Variants in FMO2 observed in about 807,000 individuals in gnomAD.
The protein encoded by FMO2 is flavin containing dimethylaniline monoxygenase 2, also known as flavin-containing monooxygenase 2.
Under a neutral mutation model 41.6 loss-of-function variants are expected in FMO2, and 33 were observed. The ratio of observed to expected loss-of-function variants is 0.79; its 90% confidence interval spans 0.60 to 1.06. FMO2 has a LOEUF of 1.06. FMO2 is among the 50% of genes least tolerant of loss of function. The pLI, the probability that FMO2 is intolerant of heterozygous loss-of-function variation, is 0.00. For synonymous variants in FMO2, 214 were observed against 219.6 expected (o/e 0.97, Z 0.23); for missense variants, 619 against 632.9 (o/e 0.98, Z 0.23).
At chr1:171,185,390 A>G (rs949971205) in intron 1 of FMO2, 31 bp downstream of exon 1, 1 of 181,650 alleles carries the variant, frequency 5.5e-6, no homozygotes, top group Non-Finnish European at 1.2e-5. Flanking sequence ...AAGAAGCTGA[A>G]AAGGAAAAGC....
At chr1:171,186,020 C>A in intron 2 of FMO2, 175 bp downstream of exon 2, 1 of 600,090 alleles carries the variant, frequency 1.7e-6, no homozygotes, top group Non-Finnish European at 2.7e-6. Flanking sequence ...CTCCCCCAGT[C>A]AATACTAACC....
At position 171,209,314 on chromosome 1, in the gene FMO2, C is replaced by T; in HGVS notation, c.*169C>T. On this transcript the variant is annotated 3_prime_UTR_variant, in exon 9 of 9. Transcript: ENST00000209929. ...GAATTAGCAGAATTAGGCATATGTA[C>T]AAAACCAAAATTTTGTCATGAAATT... 1 of 393,964 alleles carries T rather than the reference C, an allele frequency of 2.5e-6. No individual in the cohort carries two copies. The highest frequency in any genetic ancestry group is 4.5e-6 in the Non-Finnish European group (1 of 223,824). The allele number at this position is 393,964 out of a possible 1,614,324, so 24.4% of individuals were successfully genotyped here.
At chr1:171,196,223 A>T (rs1238452630) in intron 3 of FMO2, among the ~76,000 whole-genome samples, 1 of 152,218 alleles carries the variant, frequency 6.6e-6, no homozygotes, top group East Asian at 1.9e-4. Context: ...CAATTACATA[A>T]TTGTTTTGAA....
intron 5 of FMO2, 162 bp downstream of exon 5, chr1:171,199,650 C>A: frequency 1.8e-6 from 1 of 554,418 alleles, no homozygotes; most frequent in Non-Finnish European, 3.0e-6. Context: ...ACCACTTTAC[C>A]TCCTAGCTCT....
At chr1:171,193,811 A>G (rs1274925518) in intron 3 of FMO2, among the ~76,000 whole-genome samples, 5 of 148,120 alleles carry the variant, frequency 3.4e-5, no homozygotes, top group African/African-American at 1.3e-4. Context: ...ACAGAGTCTC[A>G]CTCTGTTGCT....
chr1:171,191,832 T>C (rs1658092629), intron 2 of FMO2, among the ~76,000 whole-genome samples: 3 of 133,606 alleles, frequency 2.2e-5, no homozygotes, highest in Admixed American at 1.7e-4. Context: ...TAGACCTGCC[T>C]GGGCAACATG....
rs1276150701 is a variant in FMO2, at chr1:171,212,657, A to G, written c.*3512A>G. Reference sequence around the variant, plus strand: ...AAAATTTGAAACAATAATTTCAAATAATAAAGATTGAAAATGCTTAACCCA... The same window carrying G: ...AAAATTTGAAACAATAATTTCAAATGATAAAGATTGAAAATGCTTAACCCA... On this transcript the variant is annotated 3_prime_UTR_variant, in exon 9 of 9. Coordinates refer to ENST00000209929, the MANE Select transcript of FMO2 (RefSeq NM_001460.5). 2.0e-5 allele frequency among the ~76,000 whole-genome samples: 3 copies of G among 152,222 alleles called. No individual in the cohort carries two copies. Among genetic ancestry groups the G allele is most frequent in the African/African-American group, 7.2e-5 (3 of 41,452 alleles).
At chr1:171,197,291 C>T (rs1255283186) in intron 4 of FMO2, among the ~76,000 whole-genome samples, 2 of 152,184 alleles carry the variant, frequency 1.3e-5, no homozygotes, top group African/African-American at 2.4e-5. Flanking sequence ...AGAGAACACA[C>T]TTCTTTCCCA....
chr1:171,200,683 TCACTAAC>T (rs898965438), intron 5 of FMO2, among the ~76,000 whole-genome samples: 1 of 152,128 alleles, frequency 6.6e-6, no homozygotes, highest in African/African-American at 2.4e-5. Flanking sequence ...ACAGAGCAGG[TCACTAAC>T]ACCGGAAAGA....
At chr1:171,191,534 C>A (rs903905987) in intron 2 of FMO2, among the ~76,000 whole-genome samples, 1 of 152,132 alleles carries the variant, frequency 6.6e-6, no homozygotes, top group Non-Finnish European at 1.5e-5. Context: ...GTACTTTATT[C>A]ACTCTCATTA....
intron 5 of FMO2, among the ~76,000 whole-genome samples, chr1:171,200,805 G>A (rs1658506778): frequency 6.6e-6 from 1 of 152,176 alleles, no homozygotes; most frequent in South Asian, 2.1e-4. Context: ...TGACAGCCTG[G>A]AGAAGAGCAG....
rs7516877 is a variant in FMO2, at chr1:171,196,522, A to G, written c.322-127A>G. On this transcript the variant is annotated intron_variant, in intron 3 of 8. Transcript: ENST00000209929. Reference sequence around the variant, plus strand: ...CTCTCAAGTCCTTATTCAGTATTCAACACCCTTAACAGATTAGTCCCACTG... The same window carrying G: ...CTCTCAAGTCCTTATTCAGTATTCAGCACCCTTAACAGATTAGTCCCACTG... 72,903 of 713,044 alleles carry G rather than the reference A, an allele frequency of 0.1. 4,183 individuals are homozygous for G. Among genetic ancestry groups the G allele is most frequent in the African/African-American group, 0.17 (9,668 of 55,760 alleles). The allele number at this position is 713,044 out of a possible 1,614,324, so 44.2% of individuals were successfully genotyped here. A position where few individuals can be genotyped will look rare whatever the true frequency, so the allele number is the denominator to read the frequency against.
chr1:171,198,875 C>A (rs1658407875), intron 4 of FMO2, among the ~76,000 whole-genome samples: 1 of 151,884 alleles, frequency 6.6e-6, no homozygotes, highest in South Asian at 2.1e-4. Context: ...AAAAAATCAA[C>A]CCCTTTGGTC....
intron 8 of FMO2, 82 bp from the exon 9 acceptor site, chr1:171,208,712 T>G (rs1658860607): frequency 7.7e-7 from 1 of 1,294,002 alleles, no homozygotes; most frequent in Non-Finnish European, 1.1e-6. Context: ...ATTCCTTCAT[T>G]CCTTTAGCAG....
chr1:171,209,949 G>A lies in FMO2; in HGVS notation c.*804G>A, dbSNP rs1276048175. 1.3e-5 allele frequency: 2 copies of A among 152,190 alleles called. No individual in the cohort carries two copies. The highest frequency in any genetic ancestry group is 2.9e-5 in the Non-Finnish European group (2 of 68,028). The allele number at this position is 152,190 out of a possible 1,614,324, so 9.4% of individuals were successfully genotyped here. On this transcript the variant is annotated 3_prime_UTR_variant, in exon 9 of 9. Coordinates refer to ENST00000209929, the MANE Select transcript of FMO2 (RefSeq NM_001460.5). ...GATGATGAAACTAAGATTCAGAGCA[G>A]CTGATCTTGTGAGGCAGCTGGAATT...
At chr1:171,197,275 T>C (rs1658343990) in intron 4 of FMO2, among the ~76,000 whole-genome samples, 1 of 152,144 alleles carries the variant, frequency 6.6e-6, no homozygotes, top group African/African-American at 2.4e-5. Context: ...ACCCAAGTCT[T>C]TCCTCAGAGA....
Position 171,196,657 on chromosome 1 carries a change from C to T in FMO2, c.330C>T (p.Val110=), listed in dbSNP as rs1265992869. ...LLKYIQFQTT[V]LSVRKCPDFS... ...CTCTGTGTTTCTTCAAGACAACTGT[C>T]CTTAGTGTGAGAAAATGTCCAGATT... is the stretch of plus-strand genomic sequence containing the variant. Residue 110 remains valine, a synonymous_variant, in exon 4 of 9, where the codon GTC becomes GTT. Transcript: ENST00000209929. The T allele has an allele frequency of 1.2e-6, 2 of 1,609,088 alleles. No individual in the cohort carries two copies. The highest frequency in any genetic ancestry group is 2.8e-5 in the African/African-American group (2 of 71,686).
At chr1:171,193,201 A>G in intron 2 of FMO2, 134 bp from the exon 3 acceptor site, 1 of 622,428 alleles carries the variant, frequency 1.6e-6, no homozygotes, top group Non-Finnish European at 2.8e-6. Context: ...GACTGCATTC[A>G]TTACCTAAAC....
intron 2 of FMO2, among the ~76,000 whole-genome samples, chr1:171,191,023 T>A (rs975426430): frequency 5.9e-5 from 9 of 152,002 alleles, no homozygotes; most frequent in African/African-American, 2.2e-4. Context: ...CGCATACCTG[T>A]AATCCCAGCT....
Sources: gnomAD v4.1 joint callset for allele counts (sites outside exome capture counted in the v4.1 genomes callset) on GRCh38, gnomAD v4.1.1 for gene constraint, MANE v1.5 for transcripts, NCBI Gene and HGNC (gene_info 2026-07-23, HGNC 2026-07-21) for gene names.